SLCO3A1: variants seen among roughly 807,000 people sequenced by gnomAD.
The protein encoded by SLCO3A1 is solute carrier organic anion transporter family member 3A1, also known as PGE1 transporter.
A neutral mutation model predicts 63.1 loss-of-function variants in SLCO3A1; 27 were observed. That is an observed-to-expected ratio of 0.43 (90% CI 0.32 to 0.59). SLCO3A1 has a LOEUF of 0.59. Among genes scored for constraint, SLCO3A1 ranks in the 20% least tolerant of loss-of-function variants. The probability of loss-of-function intolerance (pLI) is 0.09; values close to 1 mark genes in which losing one functional copy is unlikely to be tolerated. For missense variants in SLCO3A1, 773 were observed against 945.8 expected (o/e 0.82, Z 2.40); for synonymous variants, 473 against 409.9 (o/e 1.15, Z -1.86).
intron 2 of SLCO3A1, among the ~76,000 whole-genome samples, chr15:92,024,156 T>G (rs1031305264): frequency 6.6e-6 from 1 of 152,190 alleles, no homozygotes; most frequent in Non-Finnish European, 1.5e-5. Context: ...CCCTAGTGAG[T>G]GAAAAACATG....
At chr15:92,171,388 ACACT>A (rs1029932705) in intron 10 of SLCO3A1, 1 of 158,578 alleles carries the variant, frequency 6.3e-6, no homozygotes. Flanking sequence ...GTTTTCTGTG[ACACT>A]CAGGAATCTC....
chr15:91,874,848 C>T (rs1260852488), intron 1 of SLCO3A1, among the ~76,000 whole-genome samples: 2 of 152,186 alleles, frequency 1.3e-5, no homozygotes, highest in African/African-American at 4.8e-5. Flanking sequence ...CTCGTGGTTT[C>T]ATTTAACTTG....
rs573265138 is a variant in SLCO3A1, at chr15:91,950,859, G to T, written c.646+34401G>T. On this transcript the variant is annotated intron_variant, in intron 2 of 9. Transcript: ENST00000318445. The surrounding 1 kb of genome is among the most constrained non-coding windows in gnomAD (Gnocchi z 4.4). ...ACTTCTTGGGAACCACAGCCAGGGA[G>T]CCACCCTTTACTCCACCAACAGGTG... Among the ~76,000 whole-genome samples, 1 of 152,002 alleles carries T rather than the reference G, an allele frequency of 6.6e-6. No individual in the cohort carries two copies. Among genetic ancestry groups the T allele is most frequent in the Admixed American group, 6.5e-5 (1 of 15,272 alleles).
chr15:91,991,964 A>G (rs1268675486), intron 2 of SLCO3A1, among the ~76,000 whole-genome samples: 1 of 152,250 alleles, frequency 6.6e-6, no homozygotes, highest in Non-Finnish European at 1.5e-5. Context: ...AGAAATAGAT[A>G]GAAAAGAATT....
chr15:92,025,868 G>A (rs2046567778), intron 2 of SLCO3A1, among the ~76,000 whole-genome samples: 1 of 152,240 alleles, frequency 6.6e-6, no homozygotes, highest in African/African-American at 2.4e-5. Flanking sequence ...TAGCAGTGGA[G>A]ATGCTGGAAG....
intron 1 of SLCO3A1, among the ~76,000 whole-genome samples, chr15:91,893,076 T>C (rs969113566): frequency 1.3e-5 from 2 of 152,248 alleles, no homozygotes; most frequent in African/African-American, 4.8e-5. Flanking sequence ...AGAACTCAAA[T>C]AGAGCTTTCT....
downstream of SLCO3A1, among the ~76,000 whole-genome samples, chr15:92,170,208 C>T (rs1023838042): frequency 1.3e-5 from 2 of 152,064 alleles, no homozygotes; most frequent in Admixed American, 6.5e-5. Flanking sequence ...TAATCTAAGG[C>T]CATAAAATGA....
At chr15:92,004,958 T>C (rs542960289) in intron 2 of SLCO3A1, among the ~76,000 whole-genome samples, 1 of 152,200 alleles carries the variant, frequency 6.6e-6, no homozygotes, top group South Asian at 2.1e-4. Flanking sequence ...ATGGGGATAA[T>C]TAAAAACTCT....
Position 91,897,707 on chromosome 15 carries a change from G to A in SLCO3A1, c.181-18286G>A, listed in dbSNP as rs1898041800. On this transcript the variant is annotated intron_variant, in intron 1 of 9. Transcript: ENST00000318445. The surrounding 1 kb of genome is among the most constrained non-coding windows in gnomAD (Gnocchi z 4.7). ...TGGACAGTGGCGGCAGAGTGGATTGGTGTGCTCCCATGTGCTAGGCTGAGT... is the reference window on the plus strand; with the variant it reads ...TGGACAGTGGCGGCAGAGTGGATTGATGTGCTCCCATGTGCTAGGCTGAGT... Among the ~76,000 whole-genome samples, 1 of 152,162 alleles carries A rather than the reference G, an allele frequency of 6.6e-6. No homozygotes were observed. Among genetic ancestry groups the A allele is most frequent in the African/African-American group, 2.4e-5 (1 of 41,438 alleles).
chr15:92,104,611 G>A (rs1285113330), intron 4 of SLCO3A1, 69 bp downstream of exon 4: 1 of 1,506,688 alleles, frequency 6.6e-7, no homozygotes, highest in Non-Finnish European at 8.9e-7. Flanking sequence ...TGAATGAAGG[G>A]GTGGCACCCA....
rs1314859075 is a variant in SLCO3A1, at chr15:92,047,480, TAA to T, written c.647-47399_647-47398del. 3.5e-4 allele frequency among the ~76,000 whole-genome samples: 8 copies of T among 22,708 alleles called. 1 individual carries two copies. Among genetic ancestry groups the T allele is most frequent in the African/African-American group, 1.0e-3 (7 of 6,748 alleles). 14.9% of individuals were successfully genotyped at this position (22,708 alleles called of 152,430 possible). Reference sequence around the variant, plus strand: ...AATATATATAATATATAAATATATATAAATATATATATAAATATATATAAATA... The same window carrying T: ...AATATATATAATATATAAATATATATATATATATATAAATATATATAAATA... On this transcript the variant is annotated intron_variant, in intron 2 of 9. Coordinates refer to ENST00000318445, the MANE Select transcript of SLCO3A1 (RefSeq NM_013272.4).
exon 11 of SLCO3A1, chr15:92,172,247 G>A (rs548643899): frequency 1.9e-4 from 35 of 181,894 alleles, no homozygotes; most frequent in African/African-American, 5.9e-4. Context: ...GAAATCAGCC[G>A]AGAGGGTAAA....
chr15:92,003,485 T>G (rs2151455609), intron 2 of SLCO3A1, among the ~76,000 whole-genome samples: 1 of 152,332 alleles, frequency 6.6e-6, no homozygotes, highest in South Asian at 2.1e-4. Context: ...ATCTTGTCAT[T>G]CTGCCTCCCC....
intron 4 of SLCO3A1, among the ~76,000 whole-genome samples, chr15:92,105,437 T>C (rs1156433222): frequency 6.6e-6 from 1 of 152,138 alleles, no homozygotes; most frequent in Non-Finnish European, 1.5e-5. Flanking sequence ...TGCTATCATT[T>C]TTTAAAGAAA....
At chr15:92,139,440 T>C (rs1295432144) in intron 7 of SLCO3A1, among the ~76,000 whole-genome samples, 1 of 152,152 alleles carries the variant, frequency 6.6e-6, no homozygotes. Context: ...AAATTTTCTT[T>C]TTTGGTTGTG....
At position 91,967,953 on chromosome 15, in the gene SLCO3A1, G is replaced by T. The variant is rs1900719272; in HGVS notation, c.646+51495G>T. ...AAGGTGGCTCTCTTCCCTCCTCTTT[G>T]CTCCCCTCTTCCTGCAGAGATGCAA... On this transcript the variant is annotated intron_variant, in intron 2 of 9. Coordinates refer to ENST00000318445, the MANE Select transcript of SLCO3A1 (RefSeq NM_013272.4). The surrounding 1 kb of genome is among the most constrained non-coding windows in gnomAD (Gnocchi z 4.4). 6.6e-6 allele frequency among the ~76,000 whole-genome samples: 1 copy of T among 152,128 alleles called. No individual in the cohort carries two copies. The highest frequency in any genetic ancestry group is 1.5e-5 in the Non-Finnish European group (1 of 68,022).
chr15:92,053,041 C>G (rs1366390736), intron 2 of SLCO3A1, among the ~76,000 whole-genome samples: 3 of 152,114 alleles, frequency 2.0e-5, no homozygotes, highest in African/African-American at 7.2e-5. Flanking sequence ...ATCTAACAGC[C>G]CTTCAGATGT....
At chr15:92,111,930 C>A (rs2151552739) in intron 4 of SLCO3A1, among the ~76,000 whole-genome samples, 1 of 152,338 alleles carries the variant, frequency 6.6e-6, no homozygotes, top group East Asian at 1.9e-4. Context: ...CTGTTTGATC[C>A]TCTCTGAGAT....
rs1898673048 is a variant in SLCO3A1 at position 91,916,676 on chromosome 15, C to A, written c.646+218C>A. Among the ~76,000 whole-genome samples the A allele has an allele frequency of 6.6e-6, 1 of 152,214 alleles. No individual in the cohort carries two copies. The highest frequency in any genetic ancestry group is 2.1e-4 in the South Asian group (1 of 4,832). ...TCTTGTGAGCGGCCGAATTTGAGCT[C>A]CACGGGGCTAGACCACTAACACCGC... On this transcript the variant is annotated intron_variant, in intron 2 of 9. Transcript: ENST00000318445. This position sits in a 1 kb window ranked among gnomAD's most constrained non-coding sequence, Gnocchi z 6.2.
Sources: allele counts gnomAD v4.1 joint callset (sites outside exome capture counted in the v4.1 genomes callset), GRCh38; gene constraint gnomAD v4.1.1; non-coding constraint Gnocchi (gnomAD v3.1); transcripts MANE v1.5; gene names NCBI Gene and HGNC (gene_info 2026-07-23, HGNC 2026-07-21).